The following RNF115 variants were observed in gnomAD, a reference collection of about 807,000 sequenced individuals.
The protein encoded by RNF115 is E3 ubiquitin-protein ligase RNF115.
In RNF115, 31 loss-of-function variants were observed where a neutral mutation model predicts 39.2. The ratio of observed to expected loss-of-function variants is 0.79; its 90% confidence interval spans 0.59 to 1.07. The LOEUF (loss-of-function observed/expected upper bound fraction) is 1.07, where lower values mean the gene tolerates loss of function less well. Among genes scored for constraint, RNF115 ranks in the 50% least tolerant of loss-of-function variants. The probability of loss-of-function intolerance (pLI) is 0.00; values close to 1 mark genes in which losing one functional copy is unlikely to be tolerated. For missense variants in RNF115, 384 were observed against 381.7 expected (o/e 1.01, Z -0.05); for synonymous variants, 124 against 131.0 (o/e 0.95, Z 0.37).
At chr1:145,803,078 C>G (rs587720664) in intron 1 of RNF115, among the ~76,000 whole-genome samples, 1 of 152,322 alleles carries the variant, frequency 6.6e-6, no homozygotes, top group South Asian at 2.1e-4. Context: ...TTCTTTCTCT[C>G]AACTCTCCTT....
At chr1:145,757,305 A>G (rs782579509) in intron 4 of RNF115, among the ~76,000 whole-genome samples, 7 of 152,136 alleles carry the variant, frequency 4.6e-5, no homozygotes, top group Admixed American at 1.3e-4. Context: ...GGGGGACACA[A>G]TTCTACCCAT....
At chr1:145,792,655 G>A (rs1648730159) in intron 1 of RNF115, among the ~76,000 whole-genome samples, 1 of 152,148 alleles carries the variant, frequency 6.6e-6, no homozygotes, top group African/African-American at 2.4e-5. Context: ...GGAAAGCTCT[G>A]ACTGAAACAG....
intron 1 of RNF115, among the ~76,000 whole-genome samples, chr1:145,808,593 G>A (rs1215632367): frequency 6.6e-6 from 1 of 152,152 alleles, no homozygotes; most frequent in Non-Finnish European, 1.5e-5. Context: ...AAGACTAGCA[G>A]TGAAAATTAA....
intron 4 of RNF115, among the ~76,000 whole-genome samples, chr1:145,769,591 G>A (rs1412228814): frequency 1.3e-5 from 2 of 151,966 alleles, no homozygotes; most frequent in East Asian, 1.9e-4. Context: ...GGAATTACAG[G>A]TAACTTGCAT....
At position 145,740,249 on chromosome 1, in the gene RNF115, A is replaced by G. The variant is rs1163986619; in HGVS notation, c.*6617T>C. 8 of 152,250 alleles carry G rather than the reference A, an allele frequency of 5.3e-5. No homozygotes were observed. The highest frequency in any genetic ancestry group is 1.9e-4 in the African/African-American group (8 of 41,474). 9.4% of individuals were successfully genotyped at this position (152,250 alleles called of 1,614,324 possible). ...TAGGAAAAGTTTCAGCCATTGTACT[A>G]TACTAATTATAGTCCACATATAAAA... On this transcript the variant is annotated 3_prime_UTR_variant, in exon 9 of 9. Transcript: ENST00000582693.
At chr1:145,766,919 C>A in intron 4 of RNF115, among the ~76,000 whole-genome samples, 1 of 83,412 alleles carries the variant, frequency 1.2e-5, no homozygotes, top group Non-Finnish European at 2.3e-5. Flanking sequence ...CCGGACGGGG[C>A]GGCTGGCCGG....
chr1:145,747,843 C>T (rs1553711950), intron 8 of RNF115, 152 bp downstream of exon 8: 3 of 600,698 alleles, frequency 5.0e-6, no homozygotes, highest in Non-Finnish European at 9.0e-6. Flanking sequence ...TAGTTTGCAA[C>T]CCTTGGTCAG....
At chr1:145,807,237 C>T (rs1277826936) in intron 1 of RNF115, among the ~76,000 whole-genome samples, 1 of 152,170 alleles carries the variant, frequency 6.6e-6, no homozygotes, top group Non-Finnish European at 1.5e-5. Flanking sequence ...TATCCAGAAT[C>T]AATCACACTC....
chr1:145,799,095 G>T (rs1411226887), intron 1 of RNF115, among the ~76,000 whole-genome samples: 1 of 149,394 alleles, frequency 6.7e-6, no homozygotes, highest in Non-Finnish European at 1.5e-5. Context: ...TTTAGATGGA[G>T]TGTCGCTCTG....
intron 1 of RNF115, among the ~76,000 whole-genome samples, chr1:145,796,894 C>A (rs190688894): frequency 5.2e-4 from 79 of 152,208 alleles, no homozygotes; most frequent in African/African-American, 1.8e-3. Context: ...CACCAACAAC[C>A]TAACTGTCCC....
chr1:145,796,604 C>T (rs1648993183), intron 1 of RNF115, among the ~76,000 whole-genome samples: 1 of 152,048 alleles, frequency 6.6e-6, no homozygotes, highest in African/African-American at 2.4e-5. Context: ...CCAGGCTGGT[C>T]TTGAACTCCT....
intron 4 of RNF115, among the ~76,000 whole-genome samples, chr1:145,755,440 C>G (rs1364965443): frequency 6.6e-6 from 1 of 152,126 alleles, no homozygotes; most frequent in Non-Finnish European, 1.5e-5. Context: ...CAATGGCCAA[C>G]ATCTTGACTA....
intron 5 of RNF115, among the ~76,000 whole-genome samples, chr1:145,751,909 A>G (rs147911405): frequency 1.3e-5 from 2 of 152,300 alleles, no homozygotes; most frequent in Non-Finnish European, 2.9e-5. Flanking sequence ...ATCCCTCATT[A>G]TAAGAGGCCG....
intron 1 of RNF115, among the ~76,000 whole-genome samples, chr1:145,789,896 C>T (rs587774918): frequency 4.0e-5 from 6 of 151,748 alleles, no homozygotes; most frequent in African/African-American, 1.5e-4. Flanking sequence ...CAGGGTTTCA[C>T]CATGTTGGTC....
intron 3 of RNF115, among the ~76,000 whole-genome samples, chr1:145,779,065 A>G (rs587668578): frequency 6.6e-6 from 1 of 152,306 alleles, no homozygotes; most frequent in East Asian, 1.9e-4. Flanking sequence ...TTCTAGACTC[A>G]GGTAAAGGAA....
At chr1:145,814,475 T>G (rs71267167) in intron 1 of RNF115, among the ~76,000 whole-genome samples, 1 of 151,292 alleles carries the variant, frequency 6.6e-6, no homozygotes, top group East Asian at 1.9e-4. Context: ...CCCAGCTACT[T>G]GGGAGGCTGA....
intron 3 of RNF115, among the ~76,000 whole-genome samples, chr1:145,776,002 A>G (rs1292061165): frequency 1.4e-5 from 2 of 138,834 alleles, no homozygotes; most frequent in Non-Finnish European, 2.9e-5. Flanking sequence ...TGTCTCAAAA[A>G]AATAAAAATA....
At position 145,739,579 on chromosome 1, in the gene RNF115, ATT is replaced by A. The variant is rs35347418; in HGVS notation, c.*7285_*7286del. 1.0e-3 allele frequency: 140 copies of A among 137,440 alleles called. No individual in the cohort carries two copies. Among genetic ancestry groups the A allele is most frequent in the East Asian group, 2.0e-3 (9 of 4,536 alleles). The allele number at this position is 137,440 out of a possible 1,614,324, so 8.5% of individuals were successfully genotyped here. On this transcript the variant is annotated 3_prime_UTR_variant, in exon 9 of 9. Coordinates refer to ENST00000582693, the MANE Select transcript of RNF115 (RefSeq NM_014455.4). ...CAGCTATTTGTCATTGGGCAAATGA[ATT>A]TTTTTTTTTTTTTTTTGAGACGGAG...
rs1553711797 is a variant in RNF115 at position 145,746,821 on chromosome 1, G to T, written c.*45C>A. 1.0e-5 allele frequency: 16 copies of T among 1,595,532 alleles called. No individual in the cohort carries two copies. The highest frequency in any genetic ancestry group is 1.4e-5 in the Non-Finnish European group (16 of 1,167,896). ...TTGTTTTGATACAATTTACAGCTATGGTAAGATGATTACCACAGCCCTGAT... is the reference window on the plus strand; with the variant it reads ...TTGTTTTGATACAATTTACAGCTATTGTAAGATGATTACCACAGCCCTGAT... On this transcript the variant is annotated 3_prime_UTR_variant, in exon 9 of 9. Transcript: ENST00000582693.
Sources: gnomAD v4.1 joint callset for allele counts (sites outside exome capture counted in the v4.1 genomes callset) on GRCh38, gnomAD v4.1.1 for gene constraint, MANE v1.5 for transcripts, NCBI Gene and HGNC (gene_info 2026-07-23, HGNC 2026-07-21) for gene names.